Variants in PELO observed in about 807,000 individuals in gnomAD.
PELO encodes the protein protein pelota homolog.
A neutral mutation model predicts 25.9 loss-of-function variants in PELO; 19 were observed. The ratio of observed to expected loss-of-function variants is 0.73; its 90% CI spans 0.51 to 1.08. The LOEUF (loss-of-function observed/expected upper bound fraction) is 1.08. Ranked by LOEUF, PELO falls within the 50% of genes least tolerant of loss-of-function variation. PELO has a pLI of 0.00. For synonymous variants in PELO, 196 were observed against 192.2 expected, an observed-to-expected ratio of 1.02 and a Z score of -0.16; for missense variants, 498 against 491.4, an observed-to-expected ratio of 1.01 and a Z score of -0.13.
Position 52,801,889 on chromosome 5 carries a change from A to T in PELO, c.*49A>T. On this transcript the variant is annotated 3_prime_UTR_variant, in exon 3 of 3. Coordinates refer to ENST00000274311, the MANE Select transcript of PELO (RefSeq NM_015946.5). ...AATCTTGTGTTTCCTAAACTGTTACAGTACATTTCTCAGCATCCTTGTGAC... is the reference window on the plus strand; with the variant it reads ...AATCTTGTGTTTCCTAAACTGTTACTGTACATTTCTCAGCATCCTTGTGAC... 2 of 1,375,010 alleles carry T rather than the reference A, an allele frequency of 1.5e-6. No homozygotes were observed. The highest frequency in any genetic ancestry group is 2.0e-6 in the Non-Finnish European group (2 of 1,013,060). 85.2% of individuals were successfully genotyped at this position (1,375,010 alleles called of 1,614,324 possible).
chr5:52,800,758 C>T lies in PELO; in HGVS notation c.364C>T (p.Leu122=). 1 of 1,614,218 alleles carries T rather than the reference C, an allele frequency of 6.2e-7. No homozygotes were observed. Among genetic ancestry groups the T allele is most frequent in the Non-Finnish European group, 8.5e-7 (1 of 1,180,030 alleles). Residue 122 remains leucine (L), a synonymous_variant, in exon 2 of 3, where the codon CTG becomes TTG. Coordinates refer to ENST00000274311, the MANE Select transcript of PELO (RefSeq NM_015946.5). ...CAAGAAGCAGTGGGATAGTGTGGTA[C>T]TGGAGCGCATCGAGCAGGCCTGTGA... ...LAKKQWDSVV[L]ERIEQACDPA... is the part of the protein sequence containing the mutation.
rs1344009408 is a variant in PELO, at chr5:52,800,676, C to T, written c.282C>T (p.Val94=). 2.5e-6 allele frequency: 4 copies of T among 1,614,044 alleles called. No individual in the cohort carries two copies. Among genetic ancestry groups the T allele is most frequent in the African/African-American group, 2.7e-5 (2 of 74,928 alleles). The part of the protein sequence containing the change: ...KGTNIQENEY[V]KMGAYHTIEL... ...CCAACATCCAAGAGAATGAGTATGTCAAGATGGGGGCTTACCACACCATCG... is the reference window on the plus strand; with the variant it reads ...CCAACATCCAAGAGAATGAGTATGTTAAGATGGGGGCTTACCACACCATCG... Residue 94 remains valine, a synonymous_variant, in exon 2 of 3, where the codon GTC becomes GTT. Coordinates refer to ENST00000274311, the MANE Select transcript of PELO (RefSeq NM_015946.5).
rs990238214 is a variant in PELO at position 52,788,124 on chromosome 5, G to A, written c.-801G>A. On this transcript the variant is annotated 5_prime_UTR_variant, in exon 1 of 3. Transcript: ENST00000274311. ...TCAGAGACCAAGAGCGCGAAGGGGC[G>A]GGCGATGTGGCAATCCGTCTGGGAT... 1.9e-5 allele frequency: 8 copies of A among 432,378 alleles called. No homozygotes were observed. The highest frequency in any genetic ancestry group is 2.9e-5 in the Non-Finnish European group (7 of 243,074). 26.8% of individuals were successfully genotyped at this position (432,378 alleles called of 1,614,324 possible).
chr5:52,794,618 A>G (rs975903506), intron 1 of PELO, among the ~76,000 whole-genome samples: 12 of 151,304 alleles, frequency 7.9e-5, no homozygotes, highest in African/African-American at 2.9e-4. Context: ...TTCCATCATG[A>G]GAAATTTAGA....
intron 1 of PELO, 43 bp from the exon 2 acceptor site, chr5:52,799,842 A>G (rs936605096): frequency 1.3e-5 from 2 of 156,490 alleles, no homozygotes; most frequent in African/African-American, 4.8e-5. Context: ...GCAGGCAGGT[A>G]AAACTAGTAT....
Position 52,800,620 on chromosome 5 carries a change from T to C in PELO, c.226T>C (p.Ser76Pro). The C allele has an allele frequency of 6.2e-7, 1 of 1,613,900 alleles. No individual in the cohort carries two copies. Residue 76 changes from serine to proline, a missense_variant, in exon 2 of 3, where the codon TCT (serine) becomes CCT (proline). Physicochemically the swap from Ser to Pro is moderately conservative, Grantham distance 74. Transcript: ENST00000274311. ...TLCVEAIDFD[S>P]QACQLRVKGT... ...CTGCGTGGAGGCCATCGACTTCGACTCTCAAGCCTGCCAGCTGCGGGTTAA... is the reference window on the plus strand; with the variant it reads ...CTGCGTGGAGGCCATCGACTTCGACCCTCAAGCCTGCCAGCTGCGGGTTAA...
At position 52,800,852 on chromosome 5, in the gene PELO, C is replaced by A; in HGVS notation, c.458C>A (p.Thr153Asn). ...QEGLAHICLV[T>N]PSMTLTRAKV... Reference sequence around the variant, plus strand: ...GGCCTCGCCCATATCTGCTTAGTCACTCCCAGCATGACCCTCACTCGGGCC... The same window carrying A: ...GGCCTCGCCCATATCTGCTTAGTCAATCCCAGCATGACCCTCACTCGGGCC... The change falls in exon 2 of 3, where the codon ACT becomes AAT. Residue 153 changes from threonine to asparagine, a missense_variant. Transcript: ENST00000274311. The A allele has an allele frequency of 6.2e-7, 1 of 1,609,762 alleles. No homozygotes were observed. Among genetic ancestry groups the A allele is most frequent in the Non-Finnish European group, 8.5e-7 (1 of 1,177,336 alleles).
chr5:52,801,767 T>A lies in PELO; in HGVS notation c.1085T>A (p.Val362Glu), dbSNP rs1305320205. The change falls in exon 3 of 3, where the codon GTA becomes GAA. Residue 362 changes from valine (V) to glutamate (E), a missense_variant. Coordinates refer to ENST00000274311, the MANE Select transcript of PELO (RefSeq NM_015946.5). The stretch of plus-strand genomic sequence containing the variant: ...GAACAGCTCAGCCAGTTGACTGGGG[T>A]AGCTGCCATTCTCCGCTTCCCTGTT... ...SGEQLSQLTG[V>E]AAILRFPVPE... is the part of the protein sequence containing the mutation. 3 of 1,613,936 alleles carry A rather than the reference T, an allele frequency of 1.9e-6. No individual in the cohort carries two copies. Among genetic ancestry groups the A allele is most frequent in the Non-Finnish European group, 2.5e-6 (3 of 1,179,928 alleles).
chr5:52,801,534 G>A lies in PELO; in HGVS notation c.852G>A (p.Met284Ile). The part of the protein sequence containing the change: ...EVKALDDFYK[M>I]LQHEPDRAFY... ...AAGCCTTGGATGACTTCTATAAAATGTTACAGCATGAACCGGATCGAGCTT... is the reference window on the plus strand; with the variant it reads ...AAGCCTTGGATGACTTCTATAAAATATTACAGCATGAACCGGATCGAGCTT... Residue 284 changes from methionine (M) to isoleucine (I), a missense_variant, in exon 3 of 3, where the codon ATG becomes ATA. Coordinates refer to ENST00000274311, the MANE Select transcript of PELO (RefSeq NM_015946.5). 1 of 1,614,182 alleles carries A rather than the reference G, an allele frequency of 6.2e-7. No individual in the cohort carries two copies. Among genetic ancestry groups the A allele is most frequent in the African/African-American group, 1.3e-5 (1 of 75,048 alleles).
Position 52,801,448 on chromosome 5 carries a change from G to A in PELO, c.766G>A (p.Ala256Thr), listed in dbSNP as rs746603199. 3 of 1,614,074 alleles carry A rather than the reference G, an allele frequency of 1.9e-6. No individual in the cohort carries two copies. The highest frequency in any genetic ancestry group is 1.3e-5 in the African/African-American group (1 of 75,012). ...CGGACACAAGTACTCCCTGAAAGAG[G>A]CCCTTTGTGACCCTACTGTGGCTAG... ...SSGHKYSLKEALCDPTVASRL... is the reference protein window; with the variant it reads ...SSGHKYSLKETLCDPTVASRL... The change falls in exon 3 of 3, where the codon GCC becomes ACC. Residue 256 changes from alanine to threonine, a missense_variant. Coordinates refer to ENST00000274311, the MANE Select transcript of PELO (RefSeq NM_015946.5).
In PELO at chr5:52,800,944, C is replaced by A. The variant is rs571174898; in HGVS notation, c.550C>A (p.Arg184=). 1 of 1,614,156 alleles carries A rather than the reference C, an allele frequency of 6.2e-7. No homozygotes were observed. Among genetic ancestry groups the A allele is most frequent in the African/African-American group, 1.3e-5 (1 of 75,042 alleles). ...CTCTCAGCATGACCGGGCCTTGGAG[C>A]GGTTCTATGAACAGGTGGTCCAGGC... is the stretch of plus-strand genomic sequence containing the variant. ...NCSQHDRALE[R]FYEQVVQAIQ... is the part of the protein sequence containing the mutation. Residue 184 remains arginine (R), a synonymous_variant, in exon 2 of 3, where the codon CGG becomes AGG. Transcript: ENST00000274311.
At chr5:52,796,297 T>C (rs974895994) in intron 1 of PELO, among the ~76,000 whole-genome samples, 1 of 151,800 alleles carries the variant, frequency 6.6e-6, no homozygotes, top group African/African-American at 2.4e-5. Flanking sequence ...TTAAAAACTT[T>C]TGGAGGTAAC....
Position 52,800,162 on chromosome 5 carries a change from T to G in PELO, c.-233T>G, listed in dbSNP as rs1488408385. The G allele has an allele frequency of 1.8e-6, 1 of 562,684 alleles. No homozygotes were observed. Among genetic ancestry groups the G allele is most frequent in the Non-Finnish European group, 3.2e-6 (1 of 313,572 alleles). The allele number at this position is 562,684 out of a possible 1,614,324, so 34.9% of individuals were successfully genotyped here. On this transcript the variant is annotated 5_prime_UTR_variant, in exon 2 of 3. Transcript: ENST00000274311. ...GTAGGGGTAGATTTTCGCTGCAGTG[T>G]TCCCCGAGCCTGTTAGACGCAGCGC...
Position 52,800,965 on chromosome 5 carries a change from C to T in PELO, c.571C>T (p.Gln191Ter), listed in dbSNP as rs747754030. 1 of 1,614,192 alleles carries T rather than the reference C, an allele frequency of 6.2e-7. No individual in the cohort carries two copies. Among genetic ancestry groups the T allele is most frequent in the South Asian group, 1.1e-5 (1 of 91,082 alleles). The change falls in exon 2 of 3, where the codon CAG becomes TAG. Residue 191 changes from glutamine (Q) to a stop codon, truncating the protein, a stop_gained. Transcript: ENST00000274311. LOFTEE classifies it high-confidence loss of function. ...ALERFYEQVV[Q>*]AIQRHIHFDV... The stretch of plus-strand genomic sequence containing the variant: ...GGAGCGGTTCTATGAACAGGTGGTC[C>T]AGGCTATCCAGCGCCACATACACTT...
rs1748514239 is a variant in PELO, at chr5:52,802,726, G to A, written c.*886G>A. ...GCTTGTCAAAGTTATACTTAATTCT[G>A]TTTTATATTTGTATGTGGCATTAAT... On this transcript the variant is annotated 3_prime_UTR_variant, in exon 3 of 3. Coordinates refer to ENST00000274311, the MANE Select transcript of PELO (RefSeq NM_015946.5). 6.6e-6 allele frequency: 1 copy of A among 151,968 alleles called. No individual in the cohort carries two copies. The highest frequency in any genetic ancestry group is 2.4e-5 in the African/African-American group (1 of 41,378). The allele number at this position is 151,968 out of a possible 1,614,324, so 9.4% of individuals were successfully genotyped here.
At position 52,800,973 on chromosome 5, in the gene PELO, C is replaced by T; in HGVS notation, c.579C>T (p.Ile193=). The T allele has an allele frequency of 1.9e-6, 3 of 1,614,212 alleles. No individual in the cohort carries two copies. Among genetic ancestry groups the T allele is most frequent in the African/African-American group, 1.3e-5 (1 of 75,052 alleles). Residue 193 remains isoleucine (I), a synonymous_variant, in exon 2 of 3, where the codon ATC becomes ATT. Transcript: ENST00000274311. ...TCTATGAACAGGTGGTCCAGGCTAT[C>T]CAGCGCCACATACACTTTGATGTTG... is the stretch of plus-strand genomic sequence containing the variant. The part of the protein sequence containing the change: ...ERFYEQVVQA[I]QRHIHFDVVK...
intron 1 of PELO, among the ~76,000 whole-genome samples, chr5:52,796,597 T>C (rs1748348038): frequency 6.6e-6 from 1 of 151,988 alleles, no homozygotes; most frequent in East Asian, 1.9e-4. Context: ...TCAATAACAA[T>C]ATAAGTAAGT....
intron 1 of PELO, among the ~76,000 whole-genome samples, chr5:52,799,146 C>T (rs564881003): frequency 7.9e-4 from 121 of 152,292 alleles, no homozygotes; most frequent in Non-Finnish European, 1.3e-3. Flanking sequence ...CTGCCCTCCA[C>T]TCCATCTAAG....
chr5:52,795,427 G>A (rs1393158381), intron 1 of PELO, among the ~76,000 whole-genome samples: 1 of 151,852 alleles, frequency 6.6e-6, no homozygotes, highest in African/African-American at 2.4e-5. Context: ...CACAAGCTAA[G>A]CAGAGGGTAT....
Sources: allele counts gnomAD v4.1 joint callset (sites outside exome capture counted in the v4.1 genomes callset), GRCh38; gene constraint gnomAD v4.1.1; transcripts MANE v1.5; gene names NCBI Gene and HGNC (gene_info 2026-07-23, HGNC 2026-07-21).